The following PREX1 variants were observed in gnomAD, a reference collection of about 807,000 sequenced individuals.
PREX1 encodes the protein phosphatidylinositol 3,4,5-trisphosphate-dependent Rac exchanger 1 protein.
PREX1 carries 41 observed loss-of-function variants against 198.3 expected under a neutral mutation model. That is an observed-to-expected ratio of 0.21 (90% CI 0.16 to 0.27). The LOEUF (loss-of-function observed/expected upper bound fraction) is 0.27. PREX1 is among the 10% of genes least tolerant of loss of function. The pLI is 1.00. For missense variants in PREX1, 1,620 were observed against 2,200.7 expected, an observed-to-expected ratio of 0.74 and a Z score of 5.28; for synonymous variants, 843 against 887.2, an observed-to-expected ratio of 0.95 and a Z score of 0.89.
chr20:48,744,062 C>T (rs1568847390), intron 3 of PREX1, among the ~76,000 whole-genome samples: 1 of 152,082 alleles, frequency 6.6e-6, no homozygotes, highest in African/African-American at 2.4e-5. Flanking sequence ...TGCTGATACA[C>T]CAAAGTTTCT....
Position 48,627,969 on chromosome 20 carries a change from G to A in PREX1, c.4767-6C>T, listed in dbSNP as rs1174494783. On this transcript the variant is annotated splice_polypyrimidine_tract_variant and splice_region_variant and intron_variant, in intron 37 of 39. Coordinates refer to ENST00000371941, the MANE Select transcript of PREX1 (RefSeq NM_020820.4). ...GGGACACGCTCAGGGTGCTCCTGCA[G>A]CAGGGGAGGGAGGACAGCGGGTTGG... The A allele has an allele frequency of 1.1e-5, 17 of 1,605,452 alleles. No individual in the cohort carries two copies. The highest frequency in any genetic ancestry group is 1.4e-5 in the Non-Finnish European group (17 of 1,176,926).
the PREX1 span, among the ~76,000 whole-genome samples, chr20:48,841,987 G>A: frequency 6.6e-5 from 10 of 152,116 alleles, no homozygotes; most frequent in Admixed American, 1.3e-4. Flanking sequence ...CAGCAGAAAT[G>A]TGTATGAGTC....
chr20:48,635,866 G>A lies in PREX1; in HGVS notation c.4167+597C>T, dbSNP rs566759823. Among the ~76,000 whole-genome samples, 22 of 152,332 alleles carry A rather than the reference G, an allele frequency of 1.4e-4. No homozygotes were observed. In the South Asian group the frequency reaches 4.6e-3, roughly 32 times the overall value. ...CCCATGTGAGAAGAGGAAGGGGAGGGCTGAGTGTTCCCTGCTTCCTCCCTG... is the reference window on the plus strand; with the variant it reads ...CCCATGTGAGAAGAGGAAGGGGAGGACTGAGTGTTCCCTGCTTCCTCCCTG... On this transcript the variant is annotated intron_variant, in intron 32 of 39. Transcript: ENST00000371941.
chr20:48,780,223 G>C (rs1471561622), intron 1 of PREX1, among the ~76,000 whole-genome samples: 1 of 152,156 alleles, frequency 6.6e-6, no homozygotes, highest in Non-Finnish European at 1.5e-5. Context: ...CCAATTAAAA[G>C]AGCTAGGGGT....
chr20:48,748,714 C>T (rs979543939), intron 1 of PREX1, among the ~76,000 whole-genome samples: 2 of 152,160 alleles, frequency 1.3e-5, no homozygotes, highest in Non-Finnish European at 2.9e-5. Context: ...ATGAGTGTGA[C>T]GACACCAGGG....
the PREX1 span, among the ~76,000 whole-genome samples, chr20:48,868,171 C>T: frequency 6.6e-6 from 1 of 152,176 alleles, no homozygotes; most frequent in Admixed American, 6.5e-5. Flanking sequence ...TGGTAACAGA[C>T]ACTGGTGCTT....
At chr20:48,773,248 T>TAGAGTGA (rs2122888381) in intron 1 of PREX1, among the ~76,000 whole-genome samples, 1 of 116,028 alleles carries the variant, frequency 8.6e-6, no homozygotes, top group South Asian at 2.6e-4. Flanking sequence ...GCCTGAGTGA[T>TAGAGTGA]AGAGTGAGAC....
At chr20:48,734,400 C>T (rs2090047833) in intron 4 of PREX1, 146 bp downstream of exon 4, 2 of 735,142 alleles carry the variant, frequency 2.7e-6, no homozygotes, top group South Asian at 1.7e-5. Context: ...ATGGAAAAGG[C>T]TTGGCGATCC....
At chr20:48,724,435 G>A (rs1345942626) in intron 5 of PREX1, among the ~76,000 whole-genome samples, 1 of 152,162 alleles carries the variant, frequency 6.6e-6, no homozygotes, top group Non-Finnish European at 1.5e-5. Context: ...CTTGCCCAAG[G>A]TTACACACTC....
At chr20:48,708,583 G>C (rs115381474) in intron 5 of PREX1, among the ~76,000 whole-genome samples, 162 bp from the exon 6 acceptor site, 112 of 152,312 alleles carry the variant, frequency 7.4e-4, no homozygotes, top group African/African-American at 2.7e-3. Flanking sequence ...CTCAGGTATG[G>C]AATCCAATGT....
intron 21 of PREX1, 48 bp downstream of exon 21, chr20:48,652,538 G>T (rs777102796): frequency 1.3e-6 from 2 of 1,557,846 alleles, no homozygotes; most frequent in East Asian, 2.3e-5. Flanking sequence ...CCCCTCCGGA[G>T]TCTCAGTCCC....
At chr20:48,629,851 A>G (rs1240119221) in intron 36 of PREX1, among the ~76,000 whole-genome samples, 2 of 152,180 alleles carry the variant, frequency 1.3e-5, no homozygotes, top group African/African-American at 2.4e-5. Flanking sequence ...TGTTGACCAT[A>G]TATTTCAGGT....
Position 48,642,020 on chromosome 20 carries a change from T to C in PREX1, c.3775+148A>G, listed in dbSNP as rs1472887795. On this transcript the variant is annotated intron_variant, in intron 29 of 39. Coordinates refer to ENST00000371941, the MANE Select transcript of PREX1 (RefSeq NM_020820.4). The stretch of plus-strand genomic sequence containing the variant: ...CTACAAAAACAGGTCATGGACTGGA[T>C]GTGGCCCATGGGCTAAAATCGCTGT... The C allele has an allele frequency of 4.1e-6, 3 of 729,638 alleles. No homozygotes were observed. The South Asian group carries it at 5.2e-5, about 13-fold the overall frequency. 45.2% of individuals were successfully genotyped at this position (729,638 alleles called of 1,614,324 possible).
rs145467492 is a variant in PREX1, at chr20:48,665,747, G to A, written c.1738+536C>T. Among the ~76,000 whole-genome samples the A allele has an allele frequency of 3.9e-5, 6 of 152,210 alleles. No homozygotes were observed. In the East Asian group the frequency reaches 9.7e-4, roughly 24 times the overall value. The stretch of plus-strand genomic sequence containing the variant: ...AAACCGGTGTCCATGGAGCCACTTC[G>A]TCCTCCTTCTTGCCATCTTCCTGCC... On this transcript the variant is annotated intron_variant, in intron 15 of 39. Transcript: ENST00000371941.
intron 1 of PREX1, among the ~76,000 whole-genome samples, chr20:48,791,569 C>A (rs142687015): frequency 6.6e-6 from 1 of 152,232 alleles, no homozygotes; most frequent in East Asian, 1.9e-4. Flanking sequence ...CCATGGGGGT[C>A]CTCAACAAGC....
chr20:48,650,515 C>A (rs1332181625), intron 23 of PREX1, among the ~76,000 whole-genome samples: 3 of 152,222 alleles, frequency 2.0e-5, no homozygotes, highest in African/African-American at 7.2e-5. Context: ...GGTCAACGTG[C>A]CTCTCCATCC....
intron 3 of PREX1, among the ~76,000 whole-genome samples, chr20:48,744,573 G>A (rs375969807): frequency 2.8e-4 from 42 of 152,294 alleles, no homozygotes; most frequent in African/African-American, 8.4e-4. Context: ...TGCAACAAGC[G>A]TCAGCCTCTC....
At position 48,625,885 on chromosome 20, in the gene PREX1, T is replaced by C; in HGVS notation, c.4980A>G (p.Ter1660TrpextTer126). 1 of 1,562,584 alleles carries C rather than the reference T, an allele frequency of 6.4e-7. No individual in the cohort carries two copies. The highest frequency in any genetic ancestry group is 8.6e-7 in the Non-Finnish European group (1 of 1,156,108). The change falls in exon 40 of 40, where the codon TGA (stop) becomes TGG (tryptophan). Residue 1660 changes from the stop codon to tryptophan, a stop_lost. Coordinates refer to ENST00000371941, the MANE Select transcript of PREX1 (RefSeq NM_020820.4). ...LCQPPVDGDL* is the reference protein window; with the variant it reads ...LCQPPVDGDLW ...GGCCCAGCGTGGGGCATTTGGGTGT[T>C]CAGAGGTCCCCATCCACCGGCGGCT...
chr20:48,800,330 A>G (rs993659617), intron 1 of PREX1, among the ~76,000 whole-genome samples: 1 of 152,196 alleles, frequency 6.6e-6, no homozygotes, highest in Non-Finnish European at 1.5e-5. Context: ...CAGTTTACTG[A>G]GGTCTGAGGG....
Sources: gnomAD v4.1 joint callset for allele counts (sites outside exome capture counted in the v4.1 genomes callset) on GRCh38, gnomAD v4.1.1 for gene constraint, MANE v1.5 for transcripts, NCBI Gene and HGNC (gene_info 2026-07-23, HGNC 2026-07-21) for gene names.